Variants in LAMA2 observed in about 807,000 individuals in gnomAD.
The protein encoded by LAMA2 is laminin subunit alpha 2, also known as laminin subunit alpha-2.
LAMA2 carries 269 observed loss-of-function variants against 364.8 expected under a neutral mutation model. That is an observed-to-expected ratio of 0.74 (90% CI 0.67 to 0.82). The LOEUF is 0.82. Ranked by LOEUF, LAMA2 falls within the 40% of genes least tolerant of loss-of-function variation. The pLI is 0.00. For missense variants in LAMA2, 3,807 were observed against 3,873.2 expected, an observed-to-expected ratio of 0.98 and a Z score of 0.45; for synonymous variants, 1,379 against 1,370.6, an observed-to-expected ratio of 1.01 and a Z score of -0.14.
rs1562419548 is a variant in LAMA2, at chr6:129,288,002, G to A, written c.2693G>A (p.Cys898Tyr). The A allele has an allele frequency of 1.2e-6, 2 of 1,613,994 alleles. No homozygotes were observed. The highest frequency in any genetic ancestry group is 1.1e-5 in the South Asian group (1 of 91,092). ...AAACCAGGTACAACAGGCCGGTACT[G>A]TGAGCTCTGTGCTGATGGATATTTT... The part of the protein sequence containing the change: ...ICKPGTTGRY[C>Y]ELCADGYFGD... Residue 898 changes from cysteine to tyrosine, a missense_variant, in exon 19 of 65, where the codon TGT (cysteine) becomes TAT (tyrosine). Coordinates refer to ENST00000421865, the MANE Select transcript of LAMA2 (RefSeq NM_000426.4).
intron 58 of LAMA2, among the ~76,000 whole-genome samples, chr6:129,493,420 C>T (rs62421036): frequency 0.1 from 15,532 of 152,178 alleles, 1,101 homozygotes; most frequent in Middle Eastern, 0.19. Context: ...AAGTACTAAC[C>T]GGGCCCAACC....
intron 12 of LAMA2, among the ~76,000 whole-genome samples, chr6:129,214,340 TC>T (rs1453781381): frequency 1.3e-5 from 2 of 152,150 alleles, no homozygotes; most frequent in East Asian, 3.9e-4. Flanking sequence ...GCTAATCCAG[TC>T]CTACAAGAGC....
chr6:128,914,704 T>A (rs1778204366), intron 1 of LAMA2, among the ~76,000 whole-genome samples: 1 of 152,194 alleles, frequency 6.6e-6, no homozygotes, highest in African/African-American at 2.4e-5. Context: ...CTTTGTGAGA[T>A]AAACTGTAAG....
chr6:129,332,458 G>A (rs976989138), intron 29 of LAMA2, among the ~76,000 whole-genome samples: 19 of 151,818 alleles, frequency 1.3e-4, no homozygotes, highest in African/African-American at 3.6e-4. Flanking sequence ...TTAACTAGAT[G>A]CTCTTACATA....
At chr6:129,026,487 T>A (rs1233279832) in intron 1 of LAMA2, among the ~76,000 whole-genome samples, 1 of 152,174 alleles carries the variant, frequency 6.6e-6, no homozygotes, top group Non-Finnish European at 1.5e-5. Context: ...TAAAGCAGTT[T>A]ACAAACAAAT....
At chr6:129,232,059 T>C (rs1306878950) in intron 12 of LAMA2, among the ~76,000 whole-genome samples, 1 of 152,128 alleles carries the variant, frequency 6.6e-6, no homozygotes, top group Non-Finnish European at 1.5e-5. Flanking sequence ...TTATACGAAG[T>C]TCTTTCCTTT....
At chr6:128,990,250 C>G (rs767322953) in intron 1 of LAMA2, among the ~76,000 whole-genome samples, 1 of 152,026 alleles carries the variant, frequency 6.6e-6, no homozygotes, top group Non-Finnish European at 1.5e-5. Flanking sequence ...ATATTACTCT[C>G]TTTTGTATTT....
chr6:129,177,651 A>C lies in LAMA2; in HGVS notation c.1307-55A>C, dbSNP rs558201700. 2.7e-4 allele frequency: 429 copies of C among 1,572,762 alleles called. 1 individual carries two copies. The African/African-American group carries it at 5.1e-3, about 19-fold the overall frequency. ...AGGTTACTGTCATTAAAACTTTAAC[A>C]ACTAAATTATGTACTTGTTTTAGAA... is the stretch of plus-strand genomic sequence containing the variant. On this transcript the variant is annotated intron_variant, in intron 9 of 64. Coordinates refer to ENST00000421865, the MANE Select transcript of LAMA2 (RefSeq NM_000426.4).
rs878949960 is a variant in LAMA2 at position 129,353,448 on chromosome 6, CT to C, written c.4717+106del. 175,030 of 730,450 alleles carry C rather than the reference CT, an allele frequency of 0.24. 1 individual carries two copies. The highest frequency in any genetic ancestry group is 0.29 in the East Asian group (9,832 of 33,838). 45.2% of individuals were successfully genotyped at this position (730,450 alleles called of 1,614,324 possible). A position where few individuals can be genotyped will look rare whatever the true frequency, so the allele number is the denominator to read the frequency against. ...AGAAAGAGTGACTCTCCCCGCCCGC[CT>C]TTTTTTTTTTTTTTGCAATAGTTAT... On this transcript the variant is annotated intron_variant, in intron 32 of 64. Transcript: ENST00000421865.
intron 4 of LAMA2, among the ~76,000 whole-genome samples, chr6:129,133,843 TACAC>T (rs376172340): frequency 8.2e-4 from 125 of 151,610 alleles, no homozygotes; most frequent in African/African-American, 2.9e-3. Context: ...ACTCGTAAAA[TACAC>T]ACACACACAG....
intron 3 of LAMA2, among the ~76,000 whole-genome samples, chr6:129,071,702 G>A (rs185303477): frequency 1.6e-4 from 25 of 152,204 alleles, no homozygotes; most frequent in Admixed American, 6.5e-4. Flanking sequence ...CTGAACAATT[G>A]AGTATTTTTC....
At chr6:128,927,481 A>T (rs970023004) in intron 1 of LAMA2, among the ~76,000 whole-genome samples, 3 of 152,122 alleles carry the variant, frequency 2.0e-5, no homozygotes, top group African/African-American at 7.2e-5. Flanking sequence ...CTCCGTCTCT[A>T]ACTTTCTATC....
rs1562647136 is a variant in LAMA2 at position 129,516,169 on chromosome 6, CT to C, written c.9212-20del. ...GTGCAGGACATTTCAAAGCTGAGCC[CT>C]CTTGCATTGCCTTTTTCAGATGACC... On this transcript the variant is annotated intron_variant, in intron 64 of 64. Transcript: ENST00000421865. 2.5e-6 allele frequency: 4 copies of C among 1,613,958 alleles called. No individual in the cohort carries two copies. Among genetic ancestry groups the C allele is most frequent in the East Asian group, 4.5e-5 (2 of 44,884 alleles).
At chr6:129,114,287 C>T (rs1776331351) in intron 4 of LAMA2, among the ~76,000 whole-genome samples, 1 of 151,998 alleles carries the variant, frequency 6.6e-6, no homozygotes, top group Admixed American at 6.6e-5. Context: ...ATATTCTGGT[C>T]TGGAAAGAGA....
At chr6:129,270,449 G>A (rs1210422753) in intron 16 of LAMA2, among the ~76,000 whole-genome samples, 175 bp from the exon 17 acceptor site, 3 of 152,020 alleles carry the variant, frequency 2.0e-5, no homozygotes, top group Non-Finnish European at 4.4e-5. Context: ...TTGTTTATAA[G>A]CTAGATATTA....
chr6:128,904,014 T>A (rs181807911), intron 1 of LAMA2, among the ~76,000 whole-genome samples: 1 of 152,288 alleles, frequency 6.6e-6, no homozygotes, highest in African/African-American at 2.4e-5. Context: ...CAACTCCCGA[T>A]AAGAGTTTCA....
intron 12 of LAMA2, among the ~76,000 whole-genome samples, chr6:129,237,780 G>A (rs1785095904): frequency 6.6e-6 from 1 of 152,078 alleles, no homozygotes; most frequent in Admixed American, 6.6e-5. Context: ...TACCACCAAT[G>A]CATGAGAGTA....
chr6:129,258,141 G>A (rs1583356880), intron 14 of LAMA2, among the ~76,000 whole-genome samples: 1 of 152,024 alleles, frequency 6.6e-6, no homozygotes, highest in African/African-American at 2.4e-5. Context: ...ATAGGTTTCT[G>A]TTCTCAAGGA....
intron 1 of LAMA2, among the ~76,000 whole-genome samples, chr6:128,904,716 C>G (rs1451773067): frequency 6.6e-6 from 1 of 152,076 alleles, no homozygotes; most frequent in African/African-American, 2.4e-5. Context: ...CTTGGCCTCC[C>G]AAAGTTCTGG....
Sources: gnomAD v4.1 joint callset for allele counts (sites outside exome capture counted in the v4.1 genomes callset) on GRCh38, gnomAD v4.1.1 for gene constraint, MANE v1.5 for transcripts, NCBI Gene and HGNC (gene_info 2026-07-23, HGNC 2026-07-21) for gene names.